Variants in SV2B observed in about 807,000 individuals in gnomAD.
SV2B encodes the protein synaptic vesicle glycoprotein 2B.
SV2B carries 41 observed loss-of-function variants against 73.9 expected under a neutral mutation model. The ratio of observed to expected loss-of-function variants is 0.56; its 90% CI spans 0.43 to 0.72. SV2B has a LOEUF of 0.72. Ranked by LOEUF, SV2B falls within the 30% of genes least tolerant of loss-of-function variation. The pLI is 0.00. For synonymous variants in SV2B, 314 were observed against 314.2 expected (o/e 1.00, Z 0.01); for missense variants, 764 against 857.8 (o/e 0.89, Z 1.37).
At position 91,236,750 on chromosome 15, in the gene SV2B, C is replaced by CA. The variant is rs1327493955; in HGVS notation, c.451+10036_451+10037insA. Among the ~76,000 whole-genome samples, 53 of 152,224 alleles carry CA rather than the reference C, an allele frequency of 3.5e-4. No homozygotes were observed. The highest frequency in any genetic ancestry group is 9.4e-4 in the African/African-American group (39 of 41,540). ...TCTGCAGTCTGGGCAGACACCTGGC[C>CA]CCTATTCCACTTGACATTACCTGGG... On this transcript the variant is annotated intron_variant, in intron 2 of 12. Coordinates refer to ENST00000394232, the MANE Select transcript of SV2B (RefSeq NM_001323032.3). The surrounding 1 kb of genome is among the most constrained non-coding windows in gnomAD (Gnocchi z 4.1).
In SV2B at chr15:91,102,872, T is replaced by G. The variant is rs1019133185; in HGVS notation, c.-392+2509T>G. Among the ~76,000 whole-genome samples the G allele has an allele frequency of 1.4e-4, 21 of 152,066 alleles. 1 individual carries two copies. The highest frequency in any genetic ancestry group is 1.5e-5 in the Non-Finnish European group (1 of 68,008). On this transcript the variant is annotated intron_variant, in intron 1 of 12. Transcript: ENST00000394232. ...GGTAAATGACATTTTACCAGACATCTGGGGAAGTGAGGGAGGAAGCCAGAG... is the reference window on the plus strand; with the variant it reads ...GGTAAATGACATTTTACCAGACATCGGGGGAAGTGAGGGAGGAAGCCAGAG...
chr15:91,287,660 G>A (rs929068062), intron 11 of SV2B, among the ~76,000 whole-genome samples: 7 of 152,134 alleles, frequency 4.6e-5, no homozygotes, highest in South Asian at 2.1e-4. Context: ...GGACTTCTCC[G>A]CCCTGCTGGG....
intron 11 of SV2B, among the ~76,000 whole-genome samples, chr15:91,286,520 A>C (rs115649541): frequency 6.6e-6 from 1 of 152,240 alleles, no homozygotes; most frequent in Non-Finnish European, 1.5e-5. Flanking sequence ...TGAGACAGAC[A>C]GTATCCCTGT....
At chr15:91,196,955 G>C (rs2045266876) in intron 1 of SV2B, among the ~76,000 whole-genome samples, 1 of 152,184 alleles carries the variant, frequency 6.6e-6, no homozygotes, top group Non-Finnish European at 1.5e-5. Flanking sequence ...ACCTGTGACA[G>C]ACACTTCACA....
intron 1 of SV2B, among the ~76,000 whole-genome samples, chr15:91,205,283 A>G (rs535414937): frequency 6.6e-6 from 1 of 152,324 alleles, no homozygotes; most frequent in East Asian, 1.9e-4. Context: ...AGCTACACCA[A>G]AGAATGGTGA....
rs1224804784 is a variant in SV2B, at chr15:91,240,749, T to C, written c.452-11070T>C. Reference sequence around the variant, plus strand: ...AGGTTCATGTCTGCCAGGACACCCCTTACCATCCACATTTGCATTCCCGTA... The same window carrying C: ...AGGTTCATGTCTGCCAGGACACCCCCTACCATCCACATTTGCATTCCCGTA... On this transcript the variant is annotated intron_variant, in intron 2 of 12. Coordinates refer to ENST00000394232, the MANE Select transcript of SV2B (RefSeq NM_001323032.3). The surrounding 1 kb of genome is among the most constrained non-coding windows in gnomAD (Gnocchi z 4.6). Among the ~76,000 whole-genome samples, 1 of 152,150 alleles carries C rather than the reference T, an allele frequency of 6.6e-6. No individual in the cohort carries two copies. The highest frequency in any genetic ancestry group is 1.5e-5 in the Non-Finnish European group (1 of 68,014).
At chr15:91,271,667 A>AG (rs1193794791) in intron 9 of SV2B, among the ~76,000 whole-genome samples, 1 of 152,202 alleles carries the variant, frequency 6.6e-6, no homozygotes, top group Non-Finnish European at 1.5e-5. Flanking sequence ...TTGAATAAAA[A>AG]GGGTATTTTT....
At chr15:91,145,730 C>G (rs553112829) in intron 1 of SV2B, among the ~76,000 whole-genome samples, 6 of 152,296 alleles carry the variant, frequency 3.9e-5, no homozygotes, top group African/African-American at 1.4e-4. Flanking sequence ...TTGTATTTCT[C>G]TAATGATCAA....
At chr15:91,147,606 C>A (rs1029145672) in intron 1 of SV2B, among the ~76,000 whole-genome samples, 15 of 152,190 alleles carry the variant, frequency 9.9e-5, no homozygotes, top group African/African-American at 3.4e-4. Flanking sequence ...TAGAATCTCT[C>A]ATTCCCGAAG....
intron 5 of SV2B, among the ~76,000 whole-genome samples, chr15:91,259,016 G>A (rs931120710): frequency 6.6e-6 from 1 of 151,746 alleles, no homozygotes; most frequent in African/African-American, 2.4e-5. Flanking sequence ...GGACTGCTTG[G>A]GCCCCAGAGA....
At position 91,226,144 on chromosome 15, in the gene SV2B, C is replaced by T. The variant is rs1457262630; in HGVS notation, c.-120C>T. ...AGTGTGACTTTCACCTAAGAAGTCA[C>T]ATGAACATATTTCACATTTGAACTA... On this transcript the variant is annotated 5_prime_UTR_variant, in exon 2 of 13. Coordinates refer to ENST00000394232, the MANE Select transcript of SV2B (RefSeq NM_001323032.3). The T allele has an allele frequency of 3.0e-6, 3 of 987,724 alleles. No individual in the cohort carries two copies. Among genetic ancestry groups the T allele is most frequent in the Non-Finnish European group, 3.0e-6 (2 of 668,804 alleles). The allele number at this position is 987,724 out of a possible 1,614,324, so 61.2% of individuals were successfully genotyped here. A position where few individuals can be genotyped will look rare whatever the true frequency, so the allele number is the denominator to read the frequency against.
chr15:91,249,142 C>T (rs2047381084), intron 2 of SV2B, among the ~76,000 whole-genome samples: 1 of 151,834 alleles, frequency 6.6e-6, no homozygotes, highest in South Asian at 2.1e-4. Flanking sequence ...TACCTTCTAG[C>T]CTGAACCCTC....
Position 91,288,435 on chromosome 15 carries a change from T to C in SV2B, c.1709-1086T>C, listed in dbSNP as rs1567437597. On this transcript the variant is annotated intron_variant, in intron 11 of 12. Transcript: ENST00000394232. This position sits in a 1 kb window ranked among gnomAD's most constrained non-coding sequence, Gnocchi z 5.8. ...TTTGAAATTTACTCTCTTAGCAATT[T>C]TGAAATATACAATACATTGTTAGTA... 5.3e-5 allele frequency among the ~76,000 whole-genome samples: 8 copies of C among 152,158 alleles called. No homozygotes were observed. The highest frequency in any genetic ancestry group is 5.2e-4 in the Admixed American group (8 of 15,286).
chr15:91,290,189 G>A lies in SV2B; in HGVS notation c.1868+509G>A, dbSNP rs2048994883. Among the ~76,000 whole-genome samples, 1 of 152,146 alleles carries A rather than the reference G, an allele frequency of 6.6e-6. No homozygotes were observed. Among genetic ancestry groups the A allele is most frequent in the South Asian group, 2.1e-4 (1 of 4,834 alleles). On this transcript the variant is annotated intron_variant, in intron 12 of 12. Transcript: ENST00000394232. This position sits in a 1 kb window ranked among gnomAD's most constrained non-coding sequence, Gnocchi z 4.7. ...CCTTGTTTAAAGGCATAGGATCAAG[G>A]CCATTACTTAGTAATTGTTTTTCTT...
At chr15:91,218,557 G>A (rs1596608687) in intron 1 of SV2B, among the ~76,000 whole-genome samples, 2 of 152,256 alleles carry the variant, frequency 1.3e-5, no homozygotes, top group South Asian at 4.1e-4. Flanking sequence ...CCGTCTGAGT[G>A]TGTTGACTCT....
Position 91,281,258 on chromosome 15 carries a change from A to G in SV2B, c.1374-470A>G, listed in dbSNP as rs2048672701. Among the ~76,000 whole-genome samples the G allele has an allele frequency of 6.6e-6, 1 of 152,248 alleles. No homozygotes were observed. The highest frequency in any genetic ancestry group is 6.5e-5 in the Admixed American group (1 of 15,288). On this transcript the variant is annotated intron_variant, in intron 9 of 12. Coordinates refer to ENST00000394232, the MANE Select transcript of SV2B (RefSeq NM_001323032.3). The surrounding 1 kb of genome is among the most constrained non-coding windows in gnomAD (Gnocchi z 4.7). ...GCATGGATTATATTCTACCAATAGTATGAATGAAAGGCCTATTTCCCCACA... is the reference window on the plus strand; with the variant it reads ...GCATGGATTATATTCTACCAATAGTGTGAATGAAAGGCCTATTTCCCCACA...
intron 2 of SV2B, among the ~76,000 whole-genome samples, chr15:91,238,725 C>T (rs1344306758): frequency 6.6e-6 from 1 of 152,114 alleles, no homozygotes; most frequent in East Asian, 1.9e-4. Context: ...GCAGTGATCC[C>T]TGAGGCTAGA....
rs1202251337 is a variant in SV2B, at chr15:91,281,690, C to T, written c.1374-38C>T. ...ATTTTGGTCTTAAGTCTCTTTTTTT[C>T]TCAGATGAATCACTCAAGGGTCAAC... On this transcript the variant is annotated intron_variant, in intron 9 of 12. Coordinates refer to ENST00000394232, the MANE Select transcript of SV2B (RefSeq NM_001323032.3). The surrounding 1 kb of genome is among the most constrained non-coding windows in gnomAD (Gnocchi z 4.7). 3 of 1,517,212 alleles carry T rather than the reference C, an allele frequency of 2.0e-6. No individual in the cohort carries two copies. Among genetic ancestry groups the T allele is most frequent in the Admixed American group, 3.9e-5 (2 of 50,944 alleles). The allele number at this position is 1,517,212 out of a possible 1,614,324, so 94.0% of individuals were successfully genotyped here.
At chr15:91,147,055 C>T (rs1488350522) in intron 1 of SV2B, among the ~76,000 whole-genome samples, 2 of 152,210 alleles carry the variant, frequency 1.3e-5, no homozygotes, top group African/African-American at 2.4e-5. Flanking sequence ...TCCTTGAGAG[C>T]AGAGATGATG....
Sources: allele counts gnomAD v4.1 joint callset (sites outside exome capture counted in the v4.1 genomes callset), GRCh38; gene constraint gnomAD v4.1.1; non-coding constraint Gnocchi (gnomAD v3.1); transcripts MANE v1.5; gene names NCBI Gene and HGNC (gene_info 2026-07-23, HGNC 2026-07-21).